Variants in ERICH3 observed in about 807,000 individuals in gnomAD.
ERICH3 encodes glutamate-rich protein 3.
A neutral mutation model predicts 131.1 loss-of-function variants in ERICH3; 126 were observed. That is an observed-to-expected ratio of 0.96 (90% CI 0.83 to 1.11). The LOEUF (loss-of-function observed/expected upper bound fraction) is 1.11. Among genes scored for constraint, ERICH3 ranks in the 50% most tolerant of loss-of-function variants. ERICH3 has a pLI of 0.00. For missense variants in ERICH3, 2,050 were observed against 1,810.7 expected, an observed-to-expected ratio of 1.13 and a Z score of -2.40; for synonymous variants, 695 against 644.6, an observed-to-expected ratio of 1.08 and a Z score of -1.18.
chr1:74,662,076 T>C (rs1381151047), intron 1 of ERICH3, among the ~76,000 whole-genome samples: 3 of 152,198 alleles, frequency 2.0e-5, no homozygotes, highest in Non-Finnish European at 4.4e-5. Context: ...AATATCTCTG[T>C]CTTTTAATCA....
At chr1:74,635,975 A>T (rs1364082603) in intron 6 of ERICH3, among the ~76,000 whole-genome samples, 1 of 152,228 alleles carries the variant, frequency 6.6e-6, no homozygotes, top group Non-Finnish European at 1.5e-5. Flanking sequence ...CTTTTCTGAT[A>T]GAAGTTGTAT....
In ERICH3 at chr1:74,572,779, T is replaced by TC; in HGVS notation, c.2930dup (p.Glu978ArgfsTer37). On this transcript the variant is annotated frameshift_variant, in exon 14 of 15. Coordinates refer to ENST00000326665, the MANE Select transcript of ERICH3 (RefSeq NM_001002912.5). LOFTEE classifies it high-confidence loss of function. The stretch of plus-strand genomic sequence containing the variant: ...CTTTTCTCTCTTTGGCTGGTTCCTC[T>TC]CCCCCAAGAATTGCCTCTTCAGAAC... 3 of 1,613,934 alleles carry TC rather than the reference T, an allele frequency of 1.9e-6. No homozygotes were observed. The highest frequency in any genetic ancestry group is 2.5e-6 in the Non-Finnish European group (3 of 1,179,982).
intron 1 of ERICH3, 86 bp from the exon 2 acceptor site, chr1:74,649,401 C>A: frequency 3.2e-6 from 3 of 939,038 alleles, no homozygotes; most frequent in Non-Finnish European, 5.0e-6. Context: ...CCAAATAGTG[C>A]ATAATCATTC....
intron 2 of ERICH3, among the ~76,000 whole-genome samples, chr1:74,647,402 C>CT (rs983168188): frequency 6.6e-5 from 10 of 151,330 alleles, no homozygotes; most frequent in South Asian, 2.1e-4. Flanking sequence ...TTTCCTACTG[C>CT]TTTTTTTTTC....
intron 11 of ERICH3, among the ~76,000 whole-genome samples, chr1:74,590,342 G>A (rs1251915793): frequency 1.3e-5 from 2 of 152,036 alleles, no homozygotes; most frequent in Non-Finnish European, 2.9e-5. Flanking sequence ...CATTTATTGT[G>A]CACGTTATTT....
At chr1:74,643,125 G>A in intron 3 of ERICH3, 27 bp from the exon 4 acceptor site, 1 of 1,563,886 alleles carries the variant, frequency 6.4e-7, no homozygotes, top group Non-Finnish European at 8.8e-7. Context: ...GAATAAAGGA[G>A]AGAATCATAT....
intron 7 of ERICH3, among the ~76,000 whole-genome samples, chr1:74,629,706 A>T (rs780133301): frequency 6.6e-6 from 1 of 152,204 alleles, no homozygotes; most frequent in Non-Finnish European, 1.5e-5. Context: ...TGACTTCCCC[A>T]GAAGGGGCTT....
At chr1:74,618,217 GTT>G (rs1649064614) in intron 8 of ERICH3, among the ~76,000 whole-genome samples, 1 of 152,162 alleles carries the variant, frequency 6.6e-6, no homozygotes, top group Admixed American at 6.5e-5. Context: ...AACTGCTTCA[GTT>G]TTGAGTGCTG....
At position 74,606,631 on chromosome 1, in the gene ERICH3, C is replaced by T; in HGVS notation, c.1459G>A (p.Glu487Lys). 1 of 1,610,540 alleles carries T rather than the reference C, an allele frequency of 6.2e-7. No individual in the cohort carries two copies. Among genetic ancestry groups the T allele is most frequent in the Non-Finnish European group, 8.5e-7 (1 of 1,178,406 alleles). Residue 487 changes from glutamate to lysine, a missense_variant, in exon 10 of 15, where the codon GAA (glutamate) becomes AAA (lysine). Glu to Lys is a moderately conservative substitution (Grantham distance 56, BLOSUM62 1). Coordinates refer to ENST00000326665, the MANE Select transcript of ERICH3 (RefSeq NM_001002912.5). The stretch of plus-strand genomic sequence containing the variant: ...TTTAAAGTATTTTCCTGGTCGTCTT[C>T]CAAGACTTCTTGTCCTGGTTTTCCT... ...SKGKPGQEVL[E>K]DDQENTLKYE...
rs376806772 is a variant in ERICH3 at position 74,588,499 on chromosome 1, CA to C, written c.2176+1131del. Among the ~76,000 whole-genome samples the C allele has an allele frequency of 4.5e-3, 685 of 152,274 alleles. 5 individuals carry two copies. Among genetic ancestry groups the C allele is most frequent in the African/African-American group, 0.016 (645 of 41,564 alleles). ...TTCCTAGTAGACCCCAGTGGTTTAA[CA>C]GTAGTTTTTAAGGGTCTAAAAGTAA... On this transcript the variant is annotated intron_variant, in intron 12 of 14. Coordinates refer to ENST00000326665, the MANE Select transcript of ERICH3 (RefSeq NM_001002912.5).
intron 1 of ERICH3, among the ~76,000 whole-genome samples, chr1:74,652,708 C>A (rs1380483829): frequency 6.6e-6 from 1 of 152,120 alleles, no homozygotes; most frequent in Non-Finnish European, 1.5e-5. Context: ...TCCTCCACTG[C>A]ACCCTTTTCA....
intron 1 of ERICH3, among the ~76,000 whole-genome samples, chr1:74,669,089 A>C (rs996905455): frequency 6.6e-6 from 1 of 152,104 alleles, no homozygotes; most frequent in Non-Finnish European, 1.5e-5. Flanking sequence ...TAAAATTGAC[A>C]GCTTGACCTA....
At position 74,612,771 on chromosome 1, in the gene ERICH3, G is replaced by A; in HGVS notation, c.1039C>T (p.Pro347Ser). The A allele has an allele frequency of 6.3e-7, 1 of 1,596,422 alleles. No individual in the cohort carries two copies. Among genetic ancestry groups the A allele is most frequent in the South Asian group, 1.1e-5 (1 of 89,700 alleles). Residue 347 changes from proline to serine, a missense_variant, in exon 9 of 15, where the codon CCC becomes TCC. Coordinates refer to ENST00000326665, the MANE Select transcript of ERICH3 (RefSeq NM_001002912.5). ...QFISKRHHGF[P>S]FSLTFFLNGM... ...TTCAGGAAAAAGGTGAGACTGAAGG[G>A]GAAACCATGATGCCTTTTGGAAATA...
intron 9 of ERICH3, among the ~76,000 whole-genome samples, chr1:74,609,952 T>A (rs766624621): frequency 2.0e-5 from 3 of 152,164 alleles, no homozygotes; most frequent in Non-Finnish European, 4.4e-5. Context: ...CAGATTTTGG[T>A]ACTGATTATT....
intron 12 of ERICH3, among the ~76,000 whole-genome samples, chr1:74,587,249 C>T (rs550846842): frequency 1.8e-4 from 26 of 145,876 alleles, no homozygotes; most frequent in African/African-American, 5.8e-4. Flanking sequence ...TGCTTGAACC[C>T]GGGAGGCAGA....
intron 14 of ERICH3, 41 bp downstream of exon 14, chr1:74,571,058 G>A: frequency 6.4e-7 from 1 of 1,555,986 alleles, no homozygotes; most frequent in Non-Finnish European, 8.7e-7. Flanking sequence ...CCACCGCAGG[G>A]CTGCTATTTA....
rs549791059 is a variant in ERICH3 at position 74,673,589 on chromosome 1, G to A, written c.-70C>T. 557 of 1,560,474 alleles carry A rather than the reference G, an allele frequency of 3.6e-4. No homozygotes were observed. Among genetic ancestry groups the A allele is most frequent in the South Asian group, 2.7e-3 (237 of 87,714 alleles). On this transcript the variant is annotated 5_prime_UTR_variant, in exon 1 of 15. Transcript: ENST00000326665. The stretch of plus-strand genomic sequence containing the variant: ...GGTGCGTGGGGCCCCGTGCGCGCTG[G>A]CGCTGCGACAGTCGCGCTCGAGGGG...
At position 74,572,684 on chromosome 1, in the gene ERICH3, G is replaced by A. The variant is rs1365373663; in HGVS notation, c.3026C>T (p.Ser1009Leu). 2.5e-6 allele frequency: 4 copies of A among 1,613,476 alleles called. No homozygotes were observed. The highest frequency in any genetic ancestry group is 2.2e-5 in the East Asian group (1 of 44,790). The part of the protein sequence containing the change: ...GEAEASRMQV[S>L]EGSPEEGSLA... ...GCTTCCTTCCTCAGGGCTGCCCTCC[G>A]AAACCTGCATCCGGCTTGCCTCTGC... Residue 1009 changes from serine (S) to leucine (L), a missense_variant, in exon 14 of 15, where the codon TCG becomes TTG. Physicochemically the swap from Ser to Leu is moderately radical, Grantham distance 145. Transcript: ENST00000326665.
chr1:74,591,363 A>G (rs1316598651), intron 11 of ERICH3, among the ~76,000 whole-genome samples: 2 of 152,180 alleles, frequency 1.3e-5, no homozygotes, highest in Non-Finnish European at 2.9e-5. Flanking sequence ...CATGTAAGCT[A>G]TATTAGGATG....
Sources: allele counts gnomAD v4.1 joint callset (sites outside exome capture counted in the v4.1 genomes callset), GRCh38; gene constraint gnomAD v4.1.1; transcripts MANE v1.5; gene names NCBI Gene and HGNC (gene_info 2026-07-23, HGNC 2026-07-21).